Variants in RBFOX1 observed in about 807,000 individuals in gnomAD.
The protein encoded by RBFOX1 is RNA binding fox-1 homolog 1.
Under a neutral mutation model 57.7 loss-of-function variants are expected in RBFOX1, and 8 were observed. The observed-to-expected ratio is 0.14, with a 90% CI of 0.08 to 0.25. The LOEUF (loss-of-function observed/expected upper bound fraction) is 0.25. Ranked by LOEUF, RBFOX1 falls within the 10% of genes least tolerant of loss-of-function variation. The pLI is 1.00. For missense variants in RBFOX1, 611 were observed against 548.5 expected, an observed-to-expected ratio of 1.11 and a Z score of -1.14; for synonymous variants, 326 against 222.4, an observed-to-expected ratio of 1.47 and a Z score of -4.15.
intron 2 of RBFOX1, among the ~76,000 whole-genome samples, chr16:6,600,378 G>A (rs1051597728): frequency 3.9e-5 from 6 of 152,066 alleles, no homozygotes; most frequent in Non-Finnish European, 8.8e-5. Context: ...TCTGTCACAT[G>A]TTCCGTTACA....
Position 7,378,895 on chromosome 16 carries a change from C to G in RBFOX1, c.28-139252C>G, listed in dbSNP as rs79406549. On this transcript the variant is annotated intron_variant, in intron 4 of 15. Coordinates refer to ENST00000550418, the MANE Select transcript of RBFOX1 (RefSeq NM_018723.4). ...ATTAAGTGGCAATAACGAAGGACTT[C>G]TTTAGATTATCACTGTTTCACCAGA... Among the ~76,000 whole-genome samples, 11 of 152,302 alleles carry G rather than the reference C, an allele frequency of 7.2e-5. No individual in the cohort carries two copies. In the East Asian group the frequency reaches 2.1e-3, roughly 29 times the overall value.
intron 2 of RBFOX1, among the ~76,000 whole-genome samples, chr16:6,370,805 A>G (rs919950552): frequency 6.6e-6 from 1 of 152,258 alleles, no homozygotes; most frequent in Admixed American, 6.5e-5. Flanking sequence ...ACTTAATTGA[A>G]TACTTTAAAA....
chr16:6,847,850 G>C (rs2093841908), intron 3 of RBFOX1, among the ~76,000 whole-genome samples: 1 of 152,014 alleles, frequency 6.6e-6, no homozygotes, highest in Non-Finnish European at 1.5e-5. Flanking sequence ...GGTGGTGGTT[G>C]TTGTTGAAAT....
intron 3 of RBFOX1, among the ~76,000 whole-genome samples, chr16:5,709,002 G>A (rs1189616080): frequency 2.0e-5 from 3 of 152,188 alleles, no homozygotes; most frequent in Non-Finnish European, 4.4e-5. Context: ...TGTTTAATTT[G>A]TTCTTGAGAC....
At chr16:5,700,421 T>G (rs372329881) in intron 3 of RBFOX1, among the ~76,000 whole-genome samples, 2 of 152,322 alleles carry the variant, frequency 1.3e-5, no homozygotes, top group South Asian at 2.1e-4. Context: ...CATAGTTGTT[T>G]CTCCTGTTAT....
chr16:6,780,892 T>C lies in RBFOX1; in HGVS notation c.-16+126242T>C, dbSNP rs569820897. On this transcript the variant is annotated intron_variant, in intron 3 of 15. Transcript: ENST00000550418. ...TGAGCTCCTCACATGTTCTGGCAGT[T>C]ATTCTCTTGTCAGGTGGGTAGTTGG... Among the ~76,000 whole-genome samples, 4 of 152,180 alleles carry C rather than the reference T, an allele frequency of 2.6e-5. No individual in the cohort carries two copies. The South Asian group carries it at 8.3e-4, about 32-fold the overall frequency.
In RBFOX1 at chr16:7,273,206, CTTCCTTCCTTCCTTCCTTCCT is replaced by C. The variant is rs1401485622; in HGVS notation, c.27+221110_27+221130del. On this transcript the variant is annotated intron_variant, in intron 4 of 15. Coordinates refer to ENST00000550418, the MANE Select transcript of RBFOX1 (RefSeq NM_018723.4). ...CCTTCCTCCCTTCCTTCCTCCCTCC[CTTCCTTCCTTCCTTCCTTCCT>C]TCCTTCCTTCCTTCCTTCCTTCCTT... 3.2e-3 allele frequency among the ~76,000 whole-genome samples: 263 copies of C among 82,482 alleles called. 9 individuals are homozygous for C. The highest frequency in any genetic ancestry group is 6.6e-3 in the African/African-American group (115 of 17,506). The allele number at this position is 82,482 out of a possible 152,430, so 54.1% of individuals were successfully genotyped here.
At chr16:6,622,138 T>C (rs1458944421) in intron 2 of RBFOX1, among the ~76,000 whole-genome samples, 1 of 152,184 alleles carries the variant, frequency 6.6e-6, no homozygotes, top group Non-Finnish European at 1.5e-5. Flanking sequence ...AGGCATTCCT[T>C]AAGTACTTTA....
chr16:7,108,191 A>G (rs747942679), intron 4 of RBFOX1, among the ~76,000 whole-genome samples: 26 of 152,176 alleles, frequency 1.7e-4, no homozygotes, highest in Non-Finnish European at 3.1e-4. Flanking sequence ...ATGGTTCAGA[A>G]CAGTCTCTGG....
chr16:5,625,887 T>G lies in RBFOX1; in HGVS notation c.318+26926T>G, dbSNP rs546164042. On this transcript the variant is annotated intron_variant, in intron 3 of 19. Transcript: ENST00000641259. The stretch of plus-strand genomic sequence containing the variant: ...ATTTACTCTTTAATATCTTATTTTA[T>G]TTTTTTGAGATGGAGTTTCACTCTT... Among the ~76,000 whole-genome samples, 23 of 151,588 alleles carry G rather than the reference T, an allele frequency of 1.5e-4. No individual in the cohort carries two copies. The East Asian group carries it at 4.5e-3, about 30-fold the overall frequency.
intron 4 of RBFOX1, among the ~76,000 whole-genome samples, chr16:7,108,941 T>C (rs572001652): frequency 7.9e-5 from 12 of 152,268 alleles, no homozygotes; most frequent in South Asian, 2.1e-4. Flanking sequence ...CTCAGACATA[T>C]GGTCAAGGAG....
intron 13 of RBFOX1, among the ~76,000 whole-genome samples, chr16:7,674,188 C>A (rs74011973): frequency 0.028 from 4,220 of 152,188 alleles, 124 homozygotes; most frequent in East Asian, 0.18. Context: ...GAAGACCATG[C>A]AGTAAAGATA....
At chr16:6,762,751 C>G (rs1034940212) in intron 3 of RBFOX1, among the ~76,000 whole-genome samples, 2 of 151,544 alleles carry the variant, frequency 1.3e-5, no homozygotes, top group African/African-American at 4.8e-5. Context: ...AGGTAAAGAG[C>G]CTTACCCCAA....
At chr16:5,309,072 C>T (rs1181114655) in intron 1 of RBFOX1, among the ~76,000 whole-genome samples, 1 of 152,148 alleles carries the variant, frequency 6.6e-6, no homozygotes, top group Non-Finnish European at 1.5e-5. Context: ...CTTCTTTAAA[C>T]ACACTCCACG....
intron 1 of RBFOX1, among the ~76,000 whole-genome samples, chr16:6,179,593 A>G (rs906018571): frequency 6.6e-5 from 10 of 152,154 alleles, no homozygotes; most frequent in Non-Finnish European, 1.5e-4. Context: ...AGTGTTATCA[A>G]TCCCATCAGC....
intron 3 of RBFOX1, among the ~76,000 whole-genome samples, chr16:5,721,536 C>T (rs887170772): frequency 2.6e-5 from 4 of 152,188 alleles, no homozygotes; most frequent in Admixed American, 6.5e-5. Context: ...CCACCTTTGT[C>T]TTGCCCCTCA....
chr16:7,006,395 C>T (rs1275997977), intron 3 of RBFOX1, among the ~76,000 whole-genome samples: 2 of 152,034 alleles, frequency 1.3e-5, no homozygotes, highest in Non-Finnish European at 2.9e-5. Context: ...CCTTGTGATC[C>T]ACCCGCTTTG....
At chr16:6,171,815 T>C (rs1010877628) in intron 1 of RBFOX1, among the ~76,000 whole-genome samples, 1 of 151,814 alleles carries the variant, frequency 6.6e-6, no homozygotes, top group Admixed American at 6.6e-5. Flanking sequence ...ATTTTTATTT[T>C]ATTTATTTAT....
At chr16:7,552,607 C>T (rs540428826) in intron 5 of RBFOX1, among the ~76,000 whole-genome samples, 1 of 152,196 alleles carries the variant, frequency 6.6e-6, no homozygotes, top group East Asian at 1.9e-4. Context: ...ATCCATAGTT[C>T]ATGACCCTAT....
Sources: allele counts gnomAD v4.1 joint callset (sites outside exome capture counted in the v4.1 genomes callset), GRCh38; gene constraint gnomAD v4.1.1; transcripts MANE v1.5; gene names NCBI Gene and HGNC (gene_info 2026-07-23, HGNC 2026-07-21).